The following DNAAF1 variants were observed in gnomAD, a reference collection of about 807,000 sequenced individuals.
DNAAF1 encodes the protein dynein axonemal assembly factor 1, also known as dynein assembly factor 1, axonemal.
Under a neutral mutation model 71.1 loss-of-function variants are expected in DNAAF1, and 65 were observed. That is an observed-to-expected ratio of 0.91 (90% CI 0.75 to 1.12). DNAAF1 has a LOEUF of 1.12. Among genes scored for constraint, DNAAF1 ranks in the 50% most tolerant of loss-of-function variants. The probability of loss-of-function intolerance (pLI) is 0.00; values close to 1 mark genes in which losing one functional copy is unlikely to be tolerated. For missense variants in DNAAF1, 1,178 were observed against 899.8 expected (o/e 1.31, Z -3.96); for synonymous variants, 414 against 354.6 (o/e 1.17, Z -1.88).
intron 1 of DNAAF1, among the ~76,000 whole-genome samples, chr16:84,145,766 G>A (rs2086871046): frequency 6.6e-6 from 1 of 152,224 alleles, no homozygotes; most frequent in Admixed American, 6.5e-5. Context: ...TACAAAACTT[G>A]CACCAAACAG....
chr16:84,174,320 G>C, intron 9 of DNAAF1: 2 of 1,183,680 alleles, frequency 1.7e-6, no homozygotes, highest in Non-Finnish European at 2.1e-6. Context: ...TAGAGTTTTC[G>C]GACTAGTTTG....
At chr16:84,156,670 GT>G (rs1205339755) in intron 5 of DNAAF1, among the ~76,000 whole-genome samples, 3 of 152,086 alleles carry the variant, frequency 2.0e-5, no homozygotes, top group Non-Finnish European at 4.4e-5. Context: ...CAACTTTCCA[GT>G]TTTCTCACTC....
chr16:84,170,425 C>A (rs2088269796), intron 8 of DNAAF1, 69 bp downstream of exon 8: 1 of 1,608,006 alleles, frequency 6.2e-7, no homozygotes, highest in South Asian at 1.1e-5. Flanking sequence ...CGACTCACGT[C>A]TCTGTGGGAC....
At chr16:84,174,484 G>A in intron 9 of DNAAF1, 185 bp from the exon 10 acceptor site, 2 of 1,477,134 alleles carry the variant, frequency 1.4e-6, no homozygotes, top group Non-Finnish European at 9.0e-7. Flanking sequence ...CACCTGAGGT[G>A]GCAACGCTTG....
At chr16:84,146,052 TCG>T (rs888772166) in intron 1 of DNAAF1, among the ~76,000 whole-genome samples, 1 of 151,934 alleles carries the variant, frequency 6.6e-6, no homozygotes, top group East Asian at 2.0e-4. Flanking sequence ...AGCCAAGATC[TCG>T]CCATTGCATT....
rs770145584 is a variant in DNAAF1 at position 84,176,298 on chromosome 16, G to A, written c.2064G>A (p.Pro688=). Residue 688 remains proline (P), a splice_region_variant and synonymous_variant, in exon 11 of 12, where the codon CCG becomes CCA. Transcript: ENST00000378553. Reference sequence around the variant, plus strand: ...GCGACTTCCTTGCAGCCTCTTCTCCGGGTAAGAGCGTGGGGCCGAGAGCAC... The same window carrying A: ...GCGACTTCCTTGCAGCCTCTTCTCCAGGTAAGAGCGTGGGGCCGAGAGCAC... The part of the protein sequence containing the change: ...RDSDFLAASS[P]VPTESAATPP... The A allele has an allele frequency of 1.2e-5, 19 of 1,613,070 alleles. No homozygotes were observed. Among genetic ancestry groups the A allele is most frequent in the Admixed American group, 3.3e-5 (2 of 59,996 alleles).
Position 84,177,864 on chromosome 16 carries a change from T to C in DNAAF1, c.*23T>C. On this transcript the variant is annotated 3_prime_UTR_variant, in exon 12 of 12. Transcript: ENST00000378553. ...TAGTTTTCCCCAGTTATATGTAGCA[T>C]AAATGGTTTAATCATAAATGTCTCC... The C allele has an allele frequency of 6.3e-7, 1 of 1,581,166 alleles. No individual in the cohort carries two copies. Among genetic ancestry groups the C allele is most frequent in the South Asian group, 1.1e-5 (1 of 90,444 alleles).
intron 7 of DNAAF1, among the ~76,000 whole-genome samples, chr16:84,167,006 G>A (rs989848603): frequency 1.3e-5 from 2 of 152,050 alleles, no homozygotes; most frequent in Non-Finnish European, 2.9e-5. Flanking sequence ...CCGCACAAGT[G>A]ATGGGCAATG....
intron 1 of DNAAF1, among the ~76,000 whole-genome samples, chr16:84,147,758 C>A (rs1381332237): frequency 6.6e-6 from 1 of 151,052 alleles, no homozygotes; most frequent in Non-Finnish European, 1.5e-5. Flanking sequence ...ATAAGCCCCC[C>A]CCAAAAAAAA....
chr16:84,158,464 T>G (rs2087546391), intron 5 of DNAAF1, among the ~76,000 whole-genome samples: 2 of 152,200 alleles, frequency 1.3e-5, no homozygotes, highest in Admixed American at 6.5e-5. Flanking sequence ...TTCATCGTGG[T>G]TTTAAAAGTC....
chr16:84,176,194 G>A lies in DNAAF1; in HGVS notation c.1960G>A (p.Asp654Asn), dbSNP rs1186771824. 3 of 1,613,922 alleles carry A rather than the reference G, an allele frequency of 1.9e-6. No homozygotes were observed. Among genetic ancestry groups the A allele is most frequent in the Non-Finnish European group, 2.5e-6 (3 of 1,180,028 alleles). Residue 654 changes from aspartate to asparagine, a missense_variant, in exon 11 of 12, where the codon GAC becomes AAC. Coordinates refer to ENST00000378553, the MANE Select transcript of DNAAF1 (RefSeq NM_178452.6). Reference sequence around the variant, plus strand: ...CCTGATCCAGGAGCTCAGCGACGAGGACCCCTCTGGCCAGCTACTGATGCC... The same window carrying A: ...CCTGATCCAGGAGCTCAGCGACGAGAACCCCTCTGGCCAGCTACTGATGCC... ...RPLIQELSDE[D>N]PSGQLLMPPT... is the part of the protein sequence containing the mutation.
intron 9 of DNAAF1, chr16:84,174,293 A>G (rs1475037525): frequency 9.0e-7 from 1 of 1,116,420 alleles, no homozygotes; most frequent in Non-Finnish European, 1.1e-6. Flanking sequence ...TACAAAATAT[A>G]TTACTTTTAT....
chr16:84,172,877 C>T (rs1384892291), intron 9 of DNAAF1: 1 of 1,015,130 alleles, frequency 9.9e-7, no homozygotes, highest in African/African-American at 1.7e-5. Flanking sequence ...GTCCCATCCC[C>T]TTGAGTGAAT....
intron 5 of DNAAF1, among the ~76,000 whole-genome samples, chr16:84,157,838 T>C (rs748051385): frequency 9.8e-5 from 15 of 152,316 alleles, no homozygotes; most frequent in Admixed American, 2.0e-4. Context: ...CTCTATTATA[T>C]TATAATCCCC....
chr16:84,153,929 C>T (rs2087295324), intron 3 of DNAAF1, among the ~76,000 whole-genome samples: 1 of 152,090 alleles, frequency 6.6e-6, no homozygotes, highest in African/African-American at 2.4e-5. Flanking sequence ...GTAATTCCAG[C>T]AGAAAGACTA....
chr16:84,160,726 A>G (rs2087661708), intron 6 of DNAAF1, among the ~76,000 whole-genome samples: 1 of 151,616 alleles, frequency 6.6e-6, no homozygotes, highest in South Asian at 2.1e-4. Context: ...CGAGGTCAGG[A>G]GATCGAGACC....
At chr16:84,171,241 G>C (rs1026998815) in intron 8 of DNAAF1, among the ~76,000 whole-genome samples, 2 of 152,164 alleles carry the variant, frequency 1.3e-5, no homozygotes, top group African/African-American at 2.4e-5. Flanking sequence ...TTCGAGACCA[G>C]CCTGGCCAAC....
In DNAAF1 at chr16:84,154,018, C is replaced by T. The variant is rs186170861; in HGVS notation, c.353-559C>T. On this transcript the variant is annotated intron_variant, in intron 3 of 11. Transcript: ENST00000378553. ...TAAGTGTGGCCACCCCCGAATGAGTCACCGTGACTCTGATAGGCTGCCAGA... is the reference window on the plus strand; with the variant it reads ...TAAGTGTGGCCACCCCCGAATGAGTTACCGTGACTCTGATAGGCTGCCAGA... Among the ~76,000 whole-genome samples, 196 of 152,204 alleles carry T rather than the reference C, an allele frequency of 1.3e-3. 1 individual carries two copies. The highest frequency in any genetic ancestry group is 4.6e-3 in the African/African-American group (190 of 41,512).
intron 8 of DNAAF1, among the ~76,000 whole-genome samples, 188 bp downstream of exon 8, chr16:84,170,544 A>G (rs893143931): frequency 2.6e-5 from 4 of 152,254 alleles, no homozygotes; most frequent in African/African-American, 9.6e-5. Context: ...AACAGGAGCC[A>G]CTACTAGATT....
Sources: gnomAD v4.1 joint callset for allele counts (sites outside exome capture counted in the v4.1 genomes callset) on GRCh38, gnomAD v4.1.1 for gene constraint, MANE v1.5 for transcripts, NCBI Gene and HGNC (gene_info 2026-07-23, HGNC 2026-07-21) for gene names.